Variants in MAP3K13 observed in about 807,000 individuals in gnomAD.
The protein encoded by MAP3K13 is leucine zipper-bearing kinase.
A neutral mutation model predicts 104.0 loss-of-function variants in MAP3K13; 52 were observed. The observed-to-expected ratio is 0.50, with a 90% CI of 0.40 to 0.63. The LOEUF (loss-of-function observed/expected upper bound fraction) is 0.63. Ranked by LOEUF, MAP3K13 falls within the 20% of genes least tolerant of loss-of-function variation. The pLI, the probability that MAP3K13 is intolerant of heterozygous loss-of-function variation, is 0.00. For synonymous variants in MAP3K13, 394 were observed against 442.2 expected, an observed-to-expected ratio of 0.89 and a Z score of 1.37; for missense variants, 914 against 1,218.5, an observed-to-expected ratio of 0.75 and a Z score of 3.72.
At chr3:185,355,757 G>GA (rs545924043) in intron 2 of MAP3K13, among the ~76,000 whole-genome samples, 12 of 150,824 alleles carry the variant, frequency 8.0e-5, no homozygotes, top group Non-Finnish European at 1.0e-4. Flanking sequence ...GAGAGAAATA[G>GA]AAAAAAAAAT....
chr3:185,474,129 C>G (rs889957294), intron 11 of MAP3K13, among the ~76,000 whole-genome samples: 1 of 152,108 alleles, frequency 6.6e-6, no homozygotes, highest in Non-Finnish European at 1.5e-5. Context: ...TCGAGACCAT[C>G]CTGGCCAACA....
intron 2 of MAP3K13, among the ~76,000 whole-genome samples, chr3:185,343,728 G>A (rs757837038): frequency 1.2e-4 from 18 of 152,202 alleles, no homozygotes; most frequent in Non-Finnish European, 2.6e-4. Flanking sequence ...TGGGATTACA[G>A]GTGTAAGCCA....
chr3:185,392,784 C>T (rs560549623), intron 1 of MAP3K13, among the ~76,000 whole-genome samples: 2 of 152,216 alleles, frequency 1.3e-5, no homozygotes, highest in East Asian at 1.9e-4. Flanking sequence ...TGTGGTGGCT[C>T]ATGCTTGTAA....
At chr3:185,300,519 T>C (rs1306649168) in intron 2 of MAP3K13, among the ~76,000 whole-genome samples, 1 of 145,528 alleles carries the variant, frequency 6.9e-6, no homozygotes, top group Non-Finnish European at 1.5e-5. Context: ...TCAGATGGAG[T>C]GTAGCTTTGT....
intron 1 of MAP3K13, among the ~76,000 whole-genome samples, chr3:185,404,565 C>T (rs755537369): frequency 6.6e-5 from 10 of 152,212 alleles, no homozygotes; most frequent in South Asian, 2.1e-4. Context: ...CAGGGACCCA[C>T]GCTTGGTTTA....
intron 7 of MAP3K13, among the ~76,000 whole-genome samples, chr3:185,457,182 A>G (rs1716812621): frequency 6.6e-6 from 1 of 152,166 alleles, no homozygotes; most frequent in African/African-American, 2.4e-5. Context: ...CAAGACACCC[A>G]TAGCATGGAG....
At chr3:185,292,362 T>C (rs1316350027) in intron 2 of MAP3K13, 2 of 152,028 alleles carry the variant, frequency 1.3e-5, no homozygotes, top group Admixed American at 6.6e-5. Flanking sequence ...GGTAAAAATG[T>C]TTTGGGTTAC....
rs140106768 is a variant in MAP3K13, at chr3:185,326,840, A to C, written c.-86+41197A>C. ...TTTGAAATAATCTTGATTTGCATTT[A>C]TAAAAGTACAGCACCCAGATTAATG... On this transcript the variant is annotated intron_variant, in intron 2 of 14. Coordinates refer to the MAP3K13 transcript ENST00000424227. Among the ~76,000 whole-genome samples, 11 of 152,372 alleles carry C rather than the reference A, an allele frequency of 7.2e-5. No homozygotes were observed. The East Asian group carries it at 2.1e-3, about 29-fold the overall frequency.
chr3:185,356,379 TG>T (rs1260286920), intron 2 of MAP3K13, among the ~76,000 whole-genome samples: 5 of 152,252 alleles, frequency 3.3e-5, no homozygotes, highest in Non-Finnish European at 7.3e-5. Context: ...CTTGTTTGTT[TG>T]TGTGTTTTTT....
At chr3:185,353,165 T>C (rs1723201018) in intron 2 of MAP3K13, among the ~76,000 whole-genome samples, 1 of 152,258 alleles carries the variant, frequency 6.6e-6, no homozygotes, top group South Asian at 2.1e-4. Flanking sequence ...CATCAGTGTT[T>C]ATAGTAAAGA....
intron 1 of MAP3K13, among the ~76,000 whole-genome samples, chr3:185,378,886 G>C (rs778261261): frequency 6.6e-6 from 1 of 151,182 alleles, no homozygotes; most frequent in Non-Finnish European, 1.5e-5. Flanking sequence ...AACCATTGTC[G>C]TGTTTGTATT....
intron 10 of MAP3K13, among the ~76,000 whole-genome samples, chr3:185,472,168 T>C (rs1717834666): frequency 6.6e-6 from 1 of 151,934 alleles, no homozygotes; most frequent in African/African-American, 2.4e-5. Context: ...GGTCTGCTCC[T>C]GTGGGCTTCG....
intron 1 of MAP3K13, among the ~76,000 whole-genome samples, chr3:185,426,392 TTTCATTGGTTCACTAATACAAGCTA>T (rs1245585579): frequency 3.9e-5 from 6 of 152,186 alleles, no homozygotes; most frequent in Admixed American, 1.3e-4. Context: ...GATACGATGT[TTTCATTGGTTCACTAATACAAGCTA>T]TTCATGGGAT....
chr3:185,396,686 A>G (rs1404451237), intron 1 of MAP3K13, among the ~76,000 whole-genome samples: 2 of 152,218 alleles, frequency 1.3e-5, no homozygotes, highest in Non-Finnish European at 1.5e-5. Context: ...CTAAGGACAT[A>G]GGCCGATGGA....
chr3:185,455,221 T>G lies in MAP3K13; in HGVS notation c.1278+3826T>G, dbSNP rs796500734. 5.5e-5 allele frequency among the ~76,000 whole-genome samples: 4 copies of G among 72,988 alleles called. No individual in the cohort carries two copies. In the East Asian group the frequency reaches 1.2e-3, roughly 22 times the overall value. 47.9% of individuals were successfully genotyped at this position (72,988 alleles called of 152,430 possible). On this transcript the variant is annotated intron_variant, in intron 7 of 13. Coordinates refer to ENST00000265026, the MANE Select transcript of MAP3K13 (RefSeq NM_004721.5). Reference sequence around the variant, plus strand: ...ATATATGATATATATGAGATATATATATGATATATATGAGATATATATATG... The same window carrying G: ...ATATATGATATATATGAGATATATAGATGATATATATGAGATATATATATG...
At chr3:185,300,142 C>T (rs1721049306) in intron 2 of MAP3K13, among the ~76,000 whole-genome samples, 1 of 151,572 alleles carries the variant, frequency 6.6e-6, no homozygotes, top group Non-Finnish European at 1.5e-5. Context: ...ACACAGTGTC[C>T]TCAGAGTTCA....
intron 7 of MAP3K13, among the ~76,000 whole-genome samples, chr3:185,453,813 T>C (rs1330194894): frequency 7.2e-5 from 2 of 27,622 alleles, no homozygotes; most frequent in Non-Finnish European, 2.0e-4. Context: ...ATATATATGA[T>C]ACATATATAT....
upstream of MAP3K13, chr3:185,362,977 A>G (rs979032519): frequency 2.2e-4 from 86 of 383,528 alleles, no homozygotes; most frequent in African/African-American, 1.7e-3. Flanking sequence ...ACACACACAC[A>G]CACACTCAAG....
chr3:185,473,521 C>A lies in MAP3K13; in HGVS notation c.2190C>A (p.Asp730Glu), dbSNP rs922981952. The A allele has an allele frequency of 6.8e-6, 11 of 1,614,078 alleles. No homozygotes were observed. The highest frequency in any genetic ancestry group is 2.7e-5 in the African/African-American group (2 of 74,942). The change falls in exon 11 of 14, where the codon GAC becomes GAA. Residue 730 changes from aspartate (D) to glutamate (E), a missense_variant. Transcript: ENST00000265026. The surrounding 1 kb of genome is among the most constrained non-coding windows in gnomAD (Gnocchi z 4.9). ...PWGCCQADAY[D>E]PCLQCRPEQY... ...GCTGTTGCCAGGCTGACGCTTATGA[C>A]CCCTGCCTTCAGTGCAGGCCAGAAC...
Sources: gnomAD v4.1 joint callset for allele counts (sites outside exome capture counted in the v4.1 genomes callset) on GRCh38, gnomAD v4.1.1 for gene constraint, Gnocchi (gnomAD v3.1) non-coding constraint, MANE v1.5 for transcripts, NCBI Gene and HGNC (gene_info 2026-07-23, HGNC 2026-07-21) for gene names.